The following PNPLA6 variants were observed in gnomAD, a reference collection of about 807,000 sequenced individuals.
PNPLA6 encodes the protein patatin like domain 6, lysophospholipase.
In PNPLA6, 105 loss-of-function variants were observed where a neutral mutation model predicts 153.7. The ratio of observed to expected loss-of-function variants is 0.68; its 90% CI spans 0.58 to 0.80. PNPLA6 has a LOEUF of 0.80. Ranked by LOEUF, PNPLA6 falls within the 30% of genes least tolerant of loss-of-function variation. The pLI is 0.00. For synonymous variants in PNPLA6, 825 were observed against 822.2 expected, an observed-to-expected ratio of 1.00 and a Z score of -0.06; for missense variants, 1,423 against 1,919.3, an observed-to-expected ratio of 0.74 and a Z score of 4.83.
intron 28 of PNPLA6, among the ~76,000 whole-genome samples, chr19:7,559,428 G>A (rs955462369): frequency 6.6e-5 from 10 of 152,178 alleles, no homozygotes; most frequent in African/African-American, 2.4e-4. Flanking sequence ...TGCATTGGTG[G>A]GAATGAGAAT....
chr19:7,553,669 G>A (rs2023748387), intron 18 of PNPLA6, among the ~76,000 whole-genome samples: 1 of 152,174 alleles, frequency 6.6e-6, no homozygotes, highest in Non-Finnish European at 1.5e-5. Context: ...ACAAAAGAGG[G>A]AATAGTAGTT....
At chr19:7,537,198 C>T (rs1229264489) in intron 3 of PNPLA6, among the ~76,000 whole-genome samples, 2 of 152,114 alleles carry the variant, frequency 1.3e-5, no homozygotes, top group Non-Finnish European at 2.9e-5. Flanking sequence ...TCATGAGTCT[C>T]TTCACATGAG....
chr19:7,550,198 C>T (rs983274337), intron 14 of PNPLA6, 86 bp downstream of exon 14: 2 of 1,609,410 alleles, frequency 1.2e-6, no homozygotes, highest in East Asian at 2.2e-5. Context: ...CTCAACCTCA[C>T]TCCTGGAAGA....
chr19:7,540,164 C>G lies in PNPLA6; in HGVS notation c.570C>G (p.Phe190Leu). Residue 190 changes from phenylalanine (F) to leucine (L), a missense_variant, in exon 5 of 32, where the codon TTC (phenylalanine) becomes TTG (leucine). Transcript: ENST00000600737. The surrounding 1 kb of genome is among the most constrained non-coding windows in gnomAD (Gnocchi z 6.8). ...MLKNVRVLGH[F>L]EKPLFLELCR... ...TGTCCAACAGGGTGCTGGGCCACTT[C>G]GAGAAGCCACTCTTCCTGGAGCTCT... 1.9e-6 allele frequency: 3 copies of G among 1,611,336 alleles called. No individual in the cohort carries two copies. The highest frequency in any genetic ancestry group is 2.5e-6 in the Non-Finnish European group (3 of 1,179,990).
At chr19:7,554,864 T>C (rs2023802008) in intron 21 of PNPLA6, 29 bp from the exon 22 acceptor site, 2 of 1,572,694 alleles carry the variant, frequency 1.3e-6, no homozygotes, top group Non-Finnish European at 1.7e-6. Context: ...GTGGGGCGGC[T>C]GGTGACCTCA....
intron 13 of PNPLA6, among the ~76,000 whole-genome samples, chr19:7,547,373 G>A (rs1213734392): frequency 6.6e-6 from 1 of 152,216 alleles, no homozygotes; most frequent in African/African-American, 2.4e-5. Flanking sequence ...GGTGTGAAGT[G>A]TAGTATGTCA....
Position 7,540,518 on chromosome 19 carries a change from G to A in PNPLA6, c.715-112G>A, listed in dbSNP as rs1311025685. 1.9e-6 allele frequency: 2 copies of A among 1,062,942 alleles called. No individual in the cohort carries two copies. The highest frequency in any genetic ancestry group is 2.4e-5 in the East Asian group (1 of 42,110). The allele number at this position is 1,062,942 out of a possible 1,614,324, so 65.8% of individuals were successfully genotyped here. A position where few individuals can be genotyped will look rare whatever the true frequency, so the allele number is the denominator to read the frequency against. On this transcript the variant is annotated intron_variant, in intron 5 of 31. Coordinates refer to ENST00000600737, the MANE Select transcript of PNPLA6 (RefSeq NM_001166114.2). The surrounding 1 kb of genome is among the most constrained non-coding windows in gnomAD (Gnocchi z 6.8). Reference sequence around the variant, plus strand: ...TGCCTGCTCGTTGGAAGGGTTGGTGGGTTCCCCTGAGAAGGGATGAGAAGT... The same window carrying A: ...TGCCTGCTCGTTGGAAGGGTTGGTGAGTTCCCCTGAGAAGGGATGAGAAGT...
At chr19:7,549,866 C>T in intron 13 of PNPLA6, 41 bp from the exon 14 acceptor site, 2 of 1,593,370 alleles carry the variant, frequency 1.3e-6, no homozygotes, top group Non-Finnish European at 1.7e-6. Flanking sequence ...GGGGTCCACG[C>T]TGTCCGGGTT....
chr19:7,557,101 C>T, intron 26 of PNPLA6, 67 bp from the exon 27 acceptor site: 1 of 1,232,712 alleles, frequency 8.1e-7, no homozygotes, highest in Non-Finnish European at 1.2e-6. Context: ...GCCCATCGGG[C>T]CGGCTGGGCC....
intron 13 of PNPLA6, among the ~76,000 whole-genome samples, chr19:7,544,650 C>A (rs548386907): frequency 6.6e-6 from 1 of 152,052 alleles, no homozygotes; most frequent in African/African-American, 2.4e-5. Flanking sequence ...CCAGCTCTGC[C>A]CCAGGCTTGG....
At chr19:7,547,507 A>AT (rs1241597715) in intron 13 of PNPLA6, among the ~76,000 whole-genome samples, 2 of 151,600 alleles carry the variant, frequency 1.3e-5, no homozygotes, top group East Asian at 3.9e-4. Context: ...TTTTACTCTT[A>AT]CTTTTTTTAG....
upstream of PNPLA6, chr19:7,535,307 A>G (rs2022796551): frequency 1.7e-6 from 1 of 604,160 alleles, no homozygotes. This position sits in a 1 kb window ranked among gnomAD's most constrained non-coding sequence, Gnocchi z 5.0. Flanking sequence ...GACCCGCCTC[A>G]TCTCCTGGCC....
chr19:7,554,906 T>C lies in PNPLA6; in HGVS notation c.2648T>C (p.Leu883Pro). ...CGTATTCCGCAGCTGGAGCAGATGC[T>C]GGAGAACACGGCTGTGCGCGCCCTT... ...EPTLGQLEQMLENTAVRALKQ... is the reference protein window; with the variant it reads ...EPTLGQLEQMPENTAVRALKQ... Residue 883 changes from leucine to proline, a missense_variant, in exon 22 of 32, where the codon CTG (leucine) becomes CCG (proline). Leu to Pro is a moderately conservative substitution (Grantham distance 98). This residue lies in a region of PNPLA6 where 643 missense variants were observed against 835.2 expected (regional missense o/e 0.77). Coordinates refer to ENST00000600737, the MANE Select transcript of PNPLA6 (RefSeq NM_001166114.2). The C allele has an allele frequency of 6.3e-7, 1 of 1,586,320 alleles. No homozygotes were observed. Among genetic ancestry groups the C allele is most frequent in the South Asian group, 1.1e-5 (1 of 89,386 alleles).
At chr19:7,539,820 G>C in intron 3 of PNPLA6, 98 bp from the exon 4 acceptor site, 1 of 695,424 alleles carries the variant, frequency 1.4e-6, no homozygotes, top group Non-Finnish European at 2.4e-6. Flanking sequence ...AGAGTTTGCT[G>C]TACATGAGCC....
chr19:7,542,992 C>A lies in PNPLA6; in HGVS notation c.1531-15C>A, dbSNP rs771909480. The A allele has an allele frequency of 3.7e-6, 6 of 1,613,930 alleles. No homozygotes were observed. In the African/African-American group the frequency reaches 6.7e-5, roughly 18 times the overall value. ...AGGCCTGGCTGCGCCCATCTCAACC[C>A]CCCTACCTCCCCAGGACCCCTCCCT... On this transcript the variant is annotated splice_polypyrimidine_tract_variant and intron_variant, in intron 12 of 31. Transcript: ENST00000600737.
intron 13 of PNPLA6, among the ~76,000 whole-genome samples, chr19:7,543,806 T>C (rs889012877): frequency 1.3e-5 from 2 of 151,714 alleles, no homozygotes; most frequent in African/African-American, 4.9e-5. Flanking sequence ...TAAGACTTCT[T>C]TTTTTTCTTT....
rs1364032177 is a variant in PNPLA6, at chr19:7,554,481, G to A, written c.2466-74G>A. On this transcript the variant is annotated intron_variant, in intron 20 of 31. Coordinates refer to ENST00000600737, the MANE Select transcript of PNPLA6 (RefSeq NM_001166114.2). ...GGGTGTCTAAGTTCCTCCCAGCAAC[G>A]GAGCTATGTGGTCTCGGGGAGCACA... 5.8e-6 allele frequency: 9 copies of A among 1,544,628 alleles called. No homozygotes were observed. The Admixed American group carries it at 6.9e-5, about 12-fold the overall frequency.
intron 13 of PNPLA6, among the ~76,000 whole-genome samples, chr19:7,545,489 G>A (rs2023349300): frequency 6.6e-6 from 1 of 152,142 alleles, no homozygotes. Flanking sequence ...TTTCTGGGCG[G>A]TTTCAGTTCC....
intron 26 of PNPLA6, chr19:7,556,953 G>A (rs1412096162): frequency 1.0e-5 from 7 of 690,814 alleles, no homozygotes; most frequent in South Asian, 3.1e-5. Context: ...CCCCCCTCAC[G>A]CCATCCCCGC....
Sources: allele counts gnomAD v4.1 joint callset (sites outside exome capture counted in the v4.1 genomes callset), GRCh38; gene constraint gnomAD v4.1.1; regional missense constraint gnomAD v4.1.1; non-coding constraint Gnocchi (gnomAD v3.1); transcripts MANE v1.5; gene names NCBI Gene and HGNC (gene_info 2026-07-23, HGNC 2026-07-21).